CNTLN: variants seen among roughly 807,000 people sequenced by gnomAD.
CNTLN encodes the protein centlein, centrosomal protein.
In CNTLN, 212 loss-of-function variants were observed where a neutral mutation model predicts 180.0. That is an observed-to-expected ratio of 1.18 (90% CI 1.05 to 1.32). CNTLN has a LOEUF of 1.32. Ranked by LOEUF, CNTLN falls within the 40% of genes most tolerant of loss-of-function variation. The pLI, the probability that CNTLN is intolerant of heterozygous loss-of-function variation, is 0.00. For missense variants in CNTLN, 2,095 were observed against 1,610.9 expected (o/e 1.30, Z -5.14); for synonymous variants, 722 against 563.1 (o/e 1.28, Z -3.99).
At chr9:17,507,590 C>T (rs929894072), downstream of CNTLN, among the ~76,000 whole-genome samples, 16 of 152,122 alleles carry the variant, frequency 1.1e-4, no homozygotes, top group Admixed American at 6.5e-4. Context: ...TTTCCATGCA[C>T]GTAACTGCCT....
rs554330293 is a variant in CNTLN, at chr9:17,187,118, A to G, written c.450-39085A>G. Among the ~76,000 whole-genome samples, 44 of 152,232 alleles carry G rather than the reference A, an allele frequency of 2.9e-4. 1 individual carries two copies. The South Asian group carries it at 8.3e-3, about 29-fold the overall frequency. On this transcript the variant is annotated intron_variant, in intron 2 of 25. Transcript: ENST00000380647. ...GTCATAAGATGGAATGAGCGCATAC[A>G]TGGAATTAAAAACATGTTTGAATTT...
intron 2 of CNTLN, among the ~76,000 whole-genome samples, chr9:17,215,126 G>A (rs891396019): frequency 1.3e-5 from 2 of 152,196 alleles, no homozygotes; most frequent in African/African-American, 4.8e-5. Context: ...GAGGAGAGGA[G>A]CTCTGATTTT....
intron 12 of CNTLN, among the ~76,000 whole-genome samples, chr9:17,359,148 AGTTGGTACTACAGGCGCATGCC>A (rs1823092580): frequency 6.6e-6 from 1 of 151,966 alleles, no homozygotes; most frequent in Admixed American, 6.6e-5. Context: ...CCCCCCAAGT[AGTTGGTACTACAGGCGCATGCC>A]ACCATGCCTG....
chr9:17,234,955 T>C (rs1037214120), intron 3 of CNTLN, among the ~76,000 whole-genome samples: 2 of 152,054 alleles, frequency 1.3e-5, no homozygotes, highest in Non-Finnish European at 2.9e-5. Context: ...AGATTGGTGA[T>C]TGGGAAGGTG....
rs183293227 is a variant in CNTLN at position 17,350,883 on chromosome 9, C to T, written c.1886+8439C>T. 3.1e-3 allele frequency among the ~76,000 whole-genome samples: 474 copies of T among 152,260 alleles called. 5 individuals carry two copies. The highest frequency in any genetic ancestry group is 0.011 in the African/African-American group (452 of 41,568). ...ATCTGATGTATGAACACAGTTACAG[C>T]TGACCAACATATGTCATATATAACA... On this transcript the variant is annotated intron_variant, in intron 12 of 25. Transcript: ENST00000380647.
chr9:17,177,408 C>CA (rs879738419), intron 2 of CNTLN, among the ~76,000 whole-genome samples: 2,090 of 144,784 alleles, frequency 0.014, 50 homozygotes, highest in African/African-American at 0.05. Flanking sequence ...GACTCTGTCT[C>CA]AAAAAAAAAA....
downstream of CNTLN, among the ~76,000 whole-genome samples, chr9:17,505,601 GA>G (rs2134442989): frequency 6.6e-6 from 1 of 152,170 alleles, no homozygotes; most frequent in African/African-American, 2.4e-5. Context: ...ACTTGTGTAT[GA>G]AAATTATAAA....
chr9:17,443,955 C>G (rs924292329), intron 18 of CNTLN, among the ~76,000 whole-genome samples: 2 of 152,126 alleles, frequency 1.3e-5, no homozygotes, highest in Non-Finnish European at 2.9e-5. Context: ...TCAACAGTGT[C>G]AGATCCCATA....
At chr9:17,236,872 T>C (rs1315251773) in intron 5 of CNTLN, among the ~76,000 whole-genome samples, 1 of 152,212 alleles carries the variant, frequency 6.6e-6, no homozygotes, top group Non-Finnish European at 1.5e-5. Context: ...GAATCATTGG[T>C]TTTAACTTTT....
intron 6 of CNTLN, among the ~76,000 whole-genome samples, chr9:17,274,816 A>T (rs1337885404): frequency 6.6e-6 from 1 of 152,014 alleles, no homozygotes; most frequent in Admixed American, 6.6e-5. Flanking sequence ...GCTGTTTATG[A>T]CGTAGTTTTT....
At chr9:17,221,651 A>G (rs1824143020) in intron 2 of CNTLN, among the ~76,000 whole-genome samples, 3 of 152,076 alleles carry the variant, frequency 2.0e-5, no homozygotes. Flanking sequence ...GATGACAATG[A>G]TCTTGTATAA....
chr9:17,455,058 G>T (rs1831032959), intron 18 of CNTLN, among the ~76,000 whole-genome samples: 1 of 152,176 alleles, frequency 6.6e-6, no homozygotes, highest in Admixed American at 6.5e-5. Flanking sequence ...TAGAGCACTT[G>T]TAAGCAAAAG....
chr9:17,157,356 C>G lies in CNTLN; in HGVS notation c.449+13980C>G, dbSNP rs1057188689. Among the ~76,000 whole-genome samples, 3 of 152,026 alleles carry G rather than the reference C, an allele frequency of 2.0e-5. No homozygotes were observed. The East Asian group carries it at 5.8e-4, about 29-fold the overall frequency. On this transcript the variant is annotated intron_variant, in intron 2 of 25. Transcript: ENST00000380647. Reference sequence around the variant, plus strand: ...CCTTTGCTAATACCATTACTTTTTACTAAAATTTCTTGTGCTTTCCTGAGT... The same window carrying G: ...CCTTTGCTAATACCATTACTTTTTAGTAAAATTTCTTGTGCTTTCCTGAGT...
chr9:17,257,380 T>G (rs1481560311), intron 5 of CNTLN, among the ~76,000 whole-genome samples: 1 of 152,184 alleles, frequency 6.6e-6, no homozygotes, highest in Non-Finnish European at 1.5e-5. Context: ...CTATCATTGT[T>G]GGACATTTGG....
At chr9:17,283,646 G>C (rs994519660) in intron 6 of CNTLN, among the ~76,000 whole-genome samples, 2 of 152,134 alleles carry the variant, frequency 1.3e-5, no homozygotes, top group Non-Finnish European at 2.9e-5. Flanking sequence ...GAATAGAAGT[G>C]GTGAGAGACA....
intron 6 of CNTLN, among the ~76,000 whole-genome samples, chr9:17,282,906 G>A (rs1160477014): frequency 2.0e-5 from 3 of 152,000 alleles, no homozygotes; most frequent in East Asian, 1.9e-4. Flanking sequence ...GTAGATGTGC[G>A]GTCTTATTTC....
At chr9:17,377,310 C>T (rs1824853352) in intron 13 of CNTLN, among the ~76,000 whole-genome samples, 1 of 152,132 alleles carries the variant, frequency 6.6e-6, no homozygotes, top group Admixed American at 6.5e-5. Context: ...CTTTGCAGGC[C>T]GACGCAGGTG....
chr9:17,274,629 C>G (rs570490946), intron 6 of CNTLN, among the ~76,000 whole-genome samples: 1 of 152,024 alleles, frequency 6.6e-6, no homozygotes, highest in South Asian at 2.1e-4. Context: ...AGATATGCTT[C>G]TAGAGGTATA....
intron 18 of CNTLN, among the ~76,000 whole-genome samples, chr9:17,456,509 T>A (rs956448227): frequency 6.6e-6 from 1 of 152,134 alleles, no homozygotes; most frequent in East Asian, 1.9e-4. Flanking sequence ...ACATATATAA[T>A]TATGGTATAG....
Sources: allele counts gnomAD v4.1 joint callset (sites outside exome capture counted in the v4.1 genomes callset), GRCh38; gene constraint gnomAD v4.1.1; transcripts MANE v1.5; gene names NCBI Gene and HGNC (gene_info 2026-07-23, HGNC 2026-07-21).